The following STIM1 variants were observed in gnomAD, a reference collection of about 807,000 sequenced individuals.
STIM1 encodes the protein stromal interaction molecule 1.
STIM1 carries 25 observed loss-of-function variants against 74.7 expected under a neutral mutation model. The ratio of observed to expected loss-of-function variants is 0.33; its 90% confidence interval spans 0.24 to 0.47. The LOEUF is 0.47. STIM1 is among the 20% of genes least tolerant of loss of function. The probability of loss-of-function intolerance (pLI) is 1.00; values close to 1 mark genes in which losing one functional copy is unlikely to be tolerated. For missense variants in STIM1, 728 were observed against 920.8 expected (o/e 0.79, Z 2.71); for synonymous variants, 328 against 348.8 (o/e 0.94, Z 0.66).
chr11:3,899,211 C>T (rs1426786337), intron 1 of STIM1, among the ~76,000 whole-genome samples: 4 of 152,162 alleles, frequency 2.6e-5, no homozygotes, highest in African/African-American at 7.2e-5. Context: ...GTTTGTAGTT[C>T]TCCTTGAAGA....
intron 1 of STIM1, among the ~76,000 whole-genome samples, chr11:3,857,098 TTTTTTTTTTG>T (rs1259692041): frequency 4.6e-4 from 49 of 106,818 alleles, no homozygotes; most frequent in Non-Finnish European, 6.7e-4. Flanking sequence ...TGCTACAGGT[TTTTTTTTTTG>T]TTTTTTTTTT....
intron 2 of STIM1, among the ~76,000 whole-genome samples, chr11:4,000,997 T>C (rs1347685130): frequency 1.3e-5 from 2 of 151,816 alleles, no homozygotes; most frequent in Non-Finnish European, 2.9e-5. Flanking sequence ...TGACGGAAGA[T>C]GAAATGAATG....
intron 3 of STIM1, among the ~76,000 whole-genome samples, chr11:4,038,406 T>C (rs1469521206): frequency 6.6e-6 from 1 of 151,838 alleles, no homozygotes; most frequent in Non-Finnish European, 1.5e-5. Context: ...ACCCTAAAAC[T>C]TAAAGTATAA....
rs202150862 is a variant in STIM1, at chr11:4,074,497, C to G, written c.792-5C>G. On this transcript the variant is annotated splice_polypyrimidine_tract_variant and splice_region_variant and intron_variant, in intron 6 of 12. Coordinates refer to ENST00000526596, the MANE Select transcript of STIM1 (RefSeq NM_001382567.1). ...CTCCTCCAGCTCCCTGCATTGCCCC[C>G]CCAGGCTGCACAAGGCCCAGGAGGA... 6.8e-6 allele frequency: 11 copies of G among 1,613,254 alleles called. No homozygotes were observed. Among genetic ancestry groups the G allele is most frequent in the South Asian group, 1.1e-5 (1 of 91,032 alleles).
intron 7 of STIM1, among the ~76,000 whole-genome samples, chr11:4,075,376 C>T (rs992690350): frequency 6.6e-6 from 1 of 152,190 alleles, no homozygotes; most frequent in African/African-American, 2.4e-5. Context: ...AGGAAACTCA[C>T]TTTTGCTACC....
At chr11:3,902,003 A>G (rs552561476) in intron 1 of STIM1, among the ~76,000 whole-genome samples, 341 of 152,306 alleles carry the variant, frequency 2.2e-3, no homozygotes, top group African/African-American at 7.8e-3. Context: ...CGTGAGCTCA[A>G]GCAATCTTCC....
intron 1 of STIM1, chr11:3,892,650 C>T (rs1467291952): frequency 1.6e-5 from 25 of 1,610,058 alleles, no homozygotes; most frequent in East Asian, 4.5e-5. Context: ...AATTTCTCCC[C>T]GTAGATGGAC....
At chr11:3,897,519 A>G (rs900693553) in intron 1 of STIM1, among the ~76,000 whole-genome samples, 1 of 151,684 alleles carries the variant, frequency 6.6e-6, no homozygotes, top group East Asian at 1.9e-4. Flanking sequence ...TTTTTATTTT[A>G]TTATTATTAT....
At chr11:3,943,987 GA>G (rs2093041915) in intron 1 of STIM1, among the ~76,000 whole-genome samples, 2 of 152,158 alleles carry the variant, frequency 1.3e-5, no homozygotes, top group African/African-American at 4.8e-5. Context: ...TGAAGGCAGA[GA>G]TTTTTTTTTT....
At chr11:3,876,792 G>A (rs1394395676) in intron 1 of STIM1, among the ~76,000 whole-genome samples, 1 of 152,134 alleles carries the variant, frequency 6.6e-6, no homozygotes, top group Non-Finnish European at 1.5e-5. Flanking sequence ...AAAATATGGA[G>A]GCAGTTTGGT....
At chr11:4,083,721 A>G (rs1435663411) in intron 10 of STIM1, 7 of 581,834 alleles carry the variant, frequency 1.2e-5, no homozygotes, top group African/African-American at 1.1e-4. Flanking sequence ...CTTTGGGTCT[A>G]TTGTGCTAAG....
chr11:3,895,719 T>C (rs1437654639), intron 1 of STIM1, among the ~76,000 whole-genome samples: 20 of 38,650 alleles, frequency 5.2e-4, no homozygotes, highest in African/African-American at 1.9e-3. Context: ...TCTTTCTTTC[T>C]TTCTTTCTTT....
intron 5 of STIM1, among the ~76,000 whole-genome samples, chr11:4,067,095 C>T (rs2094371870): frequency 1.3e-5 from 2 of 152,210 alleles, no homozygotes; most frequent in African/African-American, 4.8e-5. Context: ...ATCTCCAAGA[C>T]ACCTCAAAGT....
chr11:3,928,814 T>C (rs1287336851), intron 1 of STIM1, among the ~76,000 whole-genome samples: 1 of 152,186 alleles, frequency 6.6e-6, no homozygotes, highest in Non-Finnish European at 1.5e-5. Flanking sequence ...AGAACTGTAT[T>C]TAAACCTTCT....
intron 1 of STIM1, among the ~76,000 whole-genome samples, chr11:3,908,873 A>G (rs528939122): frequency 6.6e-6 from 1 of 152,284 alleles, no homozygotes; most frequent in Non-Finnish European, 1.5e-5. Flanking sequence ...ACTGTGACAT[A>G]CCTGGAAGCC....
At chr11:3,944,984 A>G (rs2135629673) in intron 1 of STIM1, among the ~76,000 whole-genome samples, 1 of 152,232 alleles carries the variant, frequency 6.6e-6, no homozygotes, top group Middle Eastern at 3.4e-3. Flanking sequence ...AGGCCCCTCC[A>G]TATTCTCTGA....
At chr11:3,915,778 C>T (rs7938196) in intron 1 of STIM1, among the ~76,000 whole-genome samples, 55,195 of 152,002 alleles carry the variant, frequency 0.36, 11,908 homozygotes, top group Admixed American at 0.46. Context: ...AAAGTTTGAC[C>T]AGCATGGTGG....
intron 1 of STIM1, among the ~76,000 whole-genome samples, chr11:3,954,436 G>T (rs977700442): frequency 6.6e-6 from 1 of 152,184 alleles, no homozygotes; most frequent in Non-Finnish European, 1.5e-5. Flanking sequence ...TCAGCCATGA[G>T]CAAGACAGCC....
At chr11:3,926,175 A>G (rs1355211883) in intron 1 of STIM1, among the ~76,000 whole-genome samples, 1 of 152,096 alleles carries the variant, frequency 6.6e-6, no homozygotes, top group East Asian at 1.9e-4. Context: ...GTAAAGTTTG[A>G]TTTAGTTGAG....
Sources: allele counts gnomAD v4.1 joint callset (sites outside exome capture counted in the v4.1 genomes callset), GRCh38; gene constraint gnomAD v4.1.1; transcripts MANE v1.5; gene names NCBI Gene and HGNC (gene_info 2026-07-23, HGNC 2026-07-21).